Variants in TNNT3 observed in about 807,000 individuals in gnomAD.
TNNT3 encodes the protein troponin T, fast skeletal muscle.
Under a neutral mutation model 54.2 loss-of-function variants are expected in TNNT3, and 36 were observed. The observed-to-expected ratio is 0.66, with a 90% CI of 0.51 to 0.88. The LOEUF is 0.88. Among genes scored for constraint, TNNT3 ranks in the 40% least tolerant of loss-of-function variants. TNNT3 has a pLI of 0.00. For missense variants in TNNT3, 291 were observed against 331.6 expected, an observed-to-expected ratio of 0.88 and a Z score of 0.95; for synonymous variants, 120 against 109.7, an observed-to-expected ratio of 1.09 and a Z score of -0.59.
intron 8 of TNNT3, 125 bp from the exon 9 acceptor site, chr11:1,932,344 G>T: frequency 1.1e-6 from 1 of 884,494 alleles, no homozygotes; most frequent in Middle Eastern, 3.2e-4. Context: ...AGGCGGGCAT[G>T]CTTGGCTGGG....
chr11:1,925,374 C>T (rs756816500), intron 5 of TNNT3: 11 of 1,413,988 alleles, frequency 7.8e-6, no homozygotes, highest in South Asian at 4.9e-5. Context: ...GGGGAAGCCA[C>T]GAGGTACCAG....
chr11:1,935,448 A>T (rs1854711216), intron 14 of TNNT3: 2 of 230,420 alleles, frequency 8.7e-6, no homozygotes, highest in Non-Finnish European at 1.7e-5. Context: ...GGGGCCTGGG[A>T]CTGTGCCCGT....
rs776880540 is a variant in TNNT3 at position 1,934,540 on chromosome 11, C to T, written c.481-6C>T. On this transcript the variant is annotated splice_polypyrimidine_tract_variant and splice_region_variant and intron_variant, in intron 12 of 15. Coordinates refer to ENST00000278317, the MANE Select transcript of TNNT3 (RefSeq NM_006757.4). ...AGGCCCCTCTCTTTGGGCCTGTCCG[C>T]TGCAGGCTGACCAGAAGAGAGGCAA... The T allele has an allele frequency of 1.9e-6, 3 of 1,608,414 alleles. No individual in the cohort carries two copies. The highest frequency in any genetic ancestry group is 1.7e-4 in the Middle Eastern group (1 of 6,056).
At chr11:1,934,490 C>T in intron 12 of TNNT3, 45 bp downstream of exon 12, 1 of 1,608,666 alleles carries the variant, frequency 6.2e-7, no homozygotes, top group Non-Finnish European at 8.5e-7. Context: ...TCAGTGTGGG[C>T]TACGCCCTGT....
At chr11:1,926,464 G>A (rs1335289248) in intron 5 of TNNT3, 9 of 1,613,024 alleles carry the variant, frequency 5.6e-6, no homozygotes, top group East Asian at 2.2e-5. Context: ...TCCTTGGCCC[G>A]TGAAGTTCAT....
At chr11:1,933,661 C>T in intron 9 of TNNT3, 60 bp from the exon 10 acceptor site, 3 of 1,382,134 alleles carry the variant, frequency 2.2e-6, no homozygotes. Context: ...GCAAGGCAGG[C>T]CAGGCAGGGC....
chr11:1,933,854 A>G lies in TNNT3; in HGVS notation c.288+17A>G, dbSNP rs1564825720. 1 of 1,612,002 alleles carries G rather than the reference A, an allele frequency of 6.2e-7. No individual in the cohort carries two copies. Among genetic ancestry groups the G allele is most frequent in the Non-Finnish European group, 8.5e-7 (1 of 1,179,250 alleles). On this transcript the variant is annotated intron_variant, in intron 10 of 15. Transcript: ENST00000278317. ...GAGAGAATCGTGAGTGGGGCAGTTCAGGTTGCAGCAGGGGCTGGTGGACTC... is the reference window on the plus strand; with the variant it reads ...GAGAGAATCGTGAGTGGGGCAGTTCGGGTTGCAGCAGGGGCTGGTGGACTC...
rs1168929083 is a variant in TNNT3 at position 1,934,098 on chromosome 11, G to A, written c.366+90G>A. 7 of 1,402,564 alleles carry A rather than the reference G, an allele frequency of 5.0e-6. No individual in the cohort carries two copies. The Admixed American group carries it at 5.8e-5, about 12-fold the overall frequency. The allele number at this position is 1,402,564 out of a possible 1,614,324, so 86.9% of individuals were successfully genotyped here. A position where few individuals can be genotyped will look rare whatever the true frequency, so the allele number is the denominator to read the frequency against. The stretch of plus-strand genomic sequence containing the variant: ...GGGCTGAGGCCTTCCTTCTCCCGGG[G>A]TTCCCATTGTCATTGGCCAATGATC... On this transcript the variant is annotated intron_variant, in intron 11 of 15. Transcript: ENST00000278317.
chr11:1,919,555 C>T (rs1253098716), upstream of TNNT3: 1 of 152,424 alleles, frequency 6.6e-6, no homozygotes, highest in Admixed American at 6.5e-5. Context: ...GCCTCCTCCT[C>T]TGGCCATTCC....
chr11:1,936,884 C>A, intron 14 of TNNT3, 79 bp from the exon 15 acceptor site: 1 of 1,443,050 alleles, frequency 6.9e-7, no homozygotes, highest in Non-Finnish European at 9.5e-7. Context: ...GCCCACCCTG[C>A]GGTGGAGACA....
intron 4 of TNNT3, among the ~76,000 whole-genome samples, chr11:1,924,545 G>A (rs1463743700): frequency 6.6e-6 from 1 of 152,256 alleles, no homozygotes; most frequent in Non-Finnish European, 1.5e-5. Context: ...TGCCGAAAAG[G>A]TGGAAAGACT....
intron 14 of TNNT3, chr11:1,936,133 T>G: frequency 6.5e-7 from 1 of 1,530,178 alleles, no homozygotes; most frequent in South Asian, 1.1e-5. Flanking sequence ...TGGAGGGCCA[T>G]CACCAGGCCA....
intron 7 of TNNT3, 53 bp downstream of exon 7, chr11:1,929,196 C>T (rs954101612): frequency 1.0e-5 from 16 of 1,602,592 alleles, no homozygotes; most frequent in South Asian, 3.3e-5. Flanking sequence ...CTAGCCGACG[C>T]GAGGGAAAGA....
At chr11:1,922,816 C>T in intron 1 of TNNT3, 41 bp from the exon 2 acceptor site, 1 of 1,572,734 alleles carries the variant, frequency 6.4e-7, no homozygotes, top group Non-Finnish European at 8.7e-7. Flanking sequence ...AACTCTCTTT[C>T]CATCCTCTCT....
In TNNT3 at chr11:1,938,393, G is replaced by A. The variant is rs139230305; in HGVS notation, c.723-45G>A. 1.2e-3 allele frequency: 1,933 copies of A among 1,609,094 alleles called. 3 individuals are homozygous for A. Among genetic ancestry groups the A allele is most frequent in the Non-Finnish European group, 1.3e-3 (1,551 of 1,176,612 alleles). Reference sequence around the variant, plus strand: ...AGGGTGGGGGACCAGGAGGGGCATGGCCAGAGGCCCTGACCCTGAAGGATC... The same window carrying A: ...AGGGTGGGGGACCAGGAGGGGCATGACCAGAGGCCCTGACCCTGAAGGATC... On this transcript the variant is annotated intron_variant, in intron 15 of 15. Coordinates refer to ENST00000278317, the MANE Select transcript of TNNT3 (RefSeq NM_006757.4).
In TNNT3 at chr11:1,938,616, T is replaced by C. The variant is rs534053165; in HGVS notation, c.*124T>C. On this transcript the variant is annotated 3_prime_UTR_variant, in exon 16 of 16. Transcript: ENST00000278317. The stretch of plus-strand genomic sequence containing the variant: ...AGGGGCTCCCTGACAGTCCTGGGGG[T>C]GGAGAGGCCATCCCGGGGCGTCCCC... The C allele has an allele frequency of 4.9e-6, 5 of 1,025,572 alleles. No homozygotes were observed. The highest frequency in any genetic ancestry group is 1.3e-5 in the South Asian group (1 of 74,336). The allele number at this position is 1,025,572 out of a possible 1,614,324, so 63.5% of individuals were successfully genotyped here. A position where few individuals can be genotyped will look rare whatever the true frequency, so the allele number is the denominator to read the frequency against.
At chr11:1,926,330 C>T (rs767628792) in intron 5 of TNNT3, 68 of 1,054,662 alleles carry the variant, frequency 6.4e-5, no homozygotes, top group Non-Finnish European at 9.5e-5. Context: ...TAACTCTGAC[C>T]GTGTCTTGCT....
In TNNT3 at chr11:1,938,175, A is replaced by AC; in HGVS notation, c.723-261dup. Reference sequence around the variant, plus strand: ...AGCTCAGGGGTCTGTCTGCAGTGGTACCTCAGGCAAAGAAAGGAGGACAGA... The same window carrying AC: ...AGCTCAGGGGTCTGTCTGCAGTGGTACCCTCAGGCAAAGAAAGGAGGACAGA... On this transcript the variant is annotated intron_variant, in intron 15 of 15. Transcript: ENST00000278317. 3 of 539,098 alleles carry AC rather than the reference A, an allele frequency of 5.6e-6. No homozygotes were observed. In the South Asian group the frequency reaches 5.9e-5, roughly 11 times the overall value. The allele number at this position is 539,098 out of a possible 1,614,324, so 33.4% of individuals were successfully genotyped here.
intron 14 of TNNT3, among the ~76,000 whole-genome samples, 177 bp from the exon 15 acceptor site, chr11:1,936,786 C>T (rs72846743): frequency 0.033 from 5,019 of 152,336 alleles, 117 homozygotes; most frequent in East Asian, 0.1. Flanking sequence ...GGCCACGGGA[C>T]GGTGTCCCCC....
Sources: allele counts gnomAD v4.1 joint callset (sites outside exome capture counted in the v4.1 genomes callset), GRCh38; gene constraint gnomAD v4.1.1; transcripts MANE v1.5; gene names NCBI Gene and HGNC (gene_info 2026-07-23, HGNC 2026-07-21).